Variants in RANBP2 observed in about 807,000 individuals in gnomAD.
The protein encoded by RANBP2 is RAN binding protein 2.
Under a neutral mutation model 303.6 loss-of-function variants are expected in RANBP2, and 57 were observed. The observed-to-expected ratio is 0.19, with a 90% CI of 0.15 to 0.23. The LOEUF is 0.23. RANBP2 is among the 10% of genes least tolerant of loss of function. The probability of loss-of-function intolerance (pLI) is 1.00; values close to 1 mark genes in which losing one functional copy is unlikely to be tolerated. For synonymous variants in RANBP2, 1,167 were observed against 1,301.5 expected (o/e 0.90, Z 2.23); for missense variants, 3,138 against 3,780.8 (o/e 0.83, Z 4.46).
At chr2:109,461,178 A>T in the RANBP2 span, among the ~76,000 whole-genome samples, 3 of 152,352 alleles carry the variant, frequency 2.0e-5, no homozygotes, top group East Asian at 5.8e-4. Flanking sequence ...TGGTCATGGA[A>T]TGCTGCTGTG....
At chr2:108,900,079 T>G in the RANBP2 span, among the ~76,000 whole-genome samples, 10 of 152,104 alleles carry the variant, frequency 6.6e-5, no homozygotes, top group African/African-American at 2.2e-4. Flanking sequence ...TGGAAAGAGA[T>G]AAAATCAAAA....
At chr2:109,477,453 A>G in the RANBP2 span, among the ~76,000 whole-genome samples, 1 of 152,236 alleles carries the variant, frequency 6.6e-6, no homozygotes, top group Admixed American at 6.5e-5. Flanking sequence ...AAACGGGCAT[A>G]GAGTTCTCCC....
the RANBP2 span, among the ~76,000 whole-genome samples, chr2:108,869,572 G>T: frequency 6.6e-6 from 1 of 152,210 alleles, no homozygotes; most frequent in East Asian, 1.9e-4. Flanking sequence ...ACCTGTGGAT[G>T]TGTAGGAGGA....
At chr2:109,139,609 T>C in the RANBP2 span, among the ~76,000 whole-genome samples, 1 of 152,232 alleles carries the variant, frequency 6.6e-6, no homozygotes, top group Non-Finnish European at 1.5e-5. Flanking sequence ...GTATCTGCTG[T>C]CTCGGTTTGA....
chr2:109,136,018 G>C, the RANBP2 span, among the ~76,000 whole-genome samples: 2 of 152,180 alleles, frequency 1.3e-5, no homozygotes, highest in African/African-American at 4.8e-5. Flanking sequence ...CTTGTCTACA[G>C]CTGCCTAGAA....
chr2:108,967,350 A>G, the RANBP2 span, among the ~76,000 whole-genome samples: 2 of 152,174 alleles, frequency 1.3e-5, no homozygotes, highest in South Asian at 2.1e-4. Context: ...TTTTACTTCA[A>G]TAGTTCATGT....
At chr2:108,844,398 G>T in the RANBP2 span, among the ~76,000 whole-genome samples, 1 of 121,728 alleles carries the variant, frequency 8.2e-6, no homozygotes, top group Non-Finnish European at 1.9e-5. Context: ...TATTCACTTG[G>T]TTCTTTTTCT....
the RANBP2 span, among the ~76,000 whole-genome samples, chr2:109,714,047 A>T: frequency 2.0e-5 from 3 of 152,222 alleles, no homozygotes; most frequent in African/African-American, 7.2e-5. Context: ...GCCAATCATA[A>T]GTAGTAGATT....
the RANBP2 span, among the ~76,000 whole-genome samples, chr2:109,380,895 G>A: frequency 8.8e-4 from 134 of 152,370 alleles, no homozygotes; most frequent in Admixed American, 2.0e-3. Context: ...AGCAGGGCAC[G>A]CACTGGTCCT....
At chr2:109,331,976 T>C in the RANBP2 span, among the ~76,000 whole-genome samples, 1 of 152,190 alleles carries the variant, frequency 6.6e-6, no homozygotes, top group South Asian at 2.1e-4. Context: ...GTGCTGTGAC[T>C]GTCTGTGACT....
At chr2:109,322,226 C>T in the RANBP2 span, among the ~76,000 whole-genome samples, 1 of 152,228 alleles carries the variant, frequency 6.6e-6, no homozygotes, top group African/African-American at 2.4e-5. Context: ...AATCACCACT[C>T]CTTCTCCCTT....
chr2:109,178,964 G>A, the RANBP2 span, among the ~76,000 whole-genome samples: 1 of 150,450 alleles, frequency 6.6e-6, no homozygotes, highest in African/African-American at 2.4e-5. Context: ...TTGTGTGAAG[G>A]TTTTGGGGGA....
At chr2:109,068,634 G>A in the RANBP2 span, among the ~76,000 whole-genome samples, 24 of 152,276 alleles carry the variant, frequency 1.6e-4, no homozygotes, top group East Asian at 4.6e-3. Flanking sequence ...TTTTCCCCTG[G>A]GCAGTGCAAC....
rs1227839729 is a variant in RANBP2 at position 108,763,245 on chromosome 2, C to G, written c.2706C>G (p.Val902=). Residue 902 remains valine (V), a synonymous_variant, in exon 20 of 29, where the codon GTC becomes GTG. Coordinates refer to ENST00000283195, the MANE Select transcript of RANBP2 (RefSeq NM_006267.5). ...AACTTTCTGTCTTTTAGGGCCCAGT[C>G]TATGGCATGAATAGGCTTCCACCCC... ...AANVTPTKGP[V]YGMNRLPPQQ... 6.2e-7 allele frequency: 1 copy of G among 1,613,606 alleles called. No homozygotes were observed. The highest frequency in any genetic ancestry group is 1.7e-5 in the Admixed American group (1 of 59,994).
At chr2:109,052,030 G>A in the RANBP2 span, among the ~76,000 whole-genome samples, 2 of 152,196 alleles carry the variant, frequency 1.3e-5, no homozygotes, top group Admixed American at 1.3e-4. Flanking sequence ...TTACAGGCGT[G>A]AGCCACCACG....
At chr2:109,344,844 G>A in the RANBP2 span, among the ~76,000 whole-genome samples, 1 of 152,180 alleles carries the variant, frequency 6.6e-6, no homozygotes, top group Non-Finnish European at 1.5e-5. Flanking sequence ...CAGCCTCTAG[G>A]AGCTTGCAGA....
chr2:109,402,902 G>A, the RANBP2 span, among the ~76,000 whole-genome samples: 3 of 152,156 alleles, frequency 2.0e-5, no homozygotes, highest in Admixed American at 1.3e-4. Context: ...CAAACAGCAG[G>A]CGTCTGCCCT....
the RANBP2 span, among the ~76,000 whole-genome samples, chr2:108,856,264 G>GAA: frequency 6.7e-6 from 1 of 150,226 alleles, no homozygotes; most frequent in Admixed American, 6.7e-5. Flanking sequence ...GATGTATCAT[G>GAA]AAAACTGACA....
the RANBP2 span, among the ~76,000 whole-genome samples, chr2:109,260,229 C>A: frequency 6.6e-6 from 1 of 152,104 alleles, no homozygotes; most frequent in African/African-American, 2.4e-5. Flanking sequence ...TGTGATTTAC[C>A]GTCCTCTCCC....
Sources: allele counts gnomAD v4.1 joint callset (sites outside exome capture counted in the v4.1 genomes callset), GRCh38; gene constraint gnomAD v4.1.1; transcripts MANE v1.5; gene names NCBI Gene and HGNC (gene_info 2026-07-23, HGNC 2026-07-21).